ASPG: variants seen among roughly 807,000 people sequenced by gnomAD.
ASPG encodes asparaginase, also known as 60 kDa lysophospholipase.
In ASPG, 53 loss-of-function variants were observed where a neutral mutation model predicts 63.2. That is an observed-to-expected ratio of 0.84 (90% CI 0.67 to 1.05). The LOEUF (loss-of-function observed/expected upper bound fraction) is 1.05, where lower values mean the gene tolerates loss of function less well. Among genes scored for constraint, ASPG ranks in the 50% least tolerant of loss-of-function variants. The pLI, the probability that ASPG is intolerant of heterozygous loss-of-function variation, is 0.00. For missense variants in ASPG, 741 were observed against 794.4 expected (o/e 0.93, Z 0.81); for synonymous variants, 370 against 355.0 (o/e 1.04, Z -0.48).
rs1249611041 is a variant in ASPG at position 104,108,606 on chromosome 14, C to T, written c.1434-623C>T. ...GCACGGCCAGCGATTATGGCACAGT[C>T]TTTAGGTCACCCTGTACAATGGGCT... On this transcript the variant is annotated intron_variant, in intron 12 of 15. Transcript: ENST00000551177. 22 of 985,306 alleles carry T rather than the reference C, an allele frequency of 2.2e-5. No individual in the cohort carries two copies. The Admixed American group carries it at 1.4e-3, about 61-fold the overall frequency. The allele number at this position is 985,306 out of a possible 1,614,324, so 61.0% of individuals were successfully genotyped here.
rs373497645 is a variant in ASPG, at chr14:104,110,547, C to A, written c.1521-955C>A. On this transcript the variant is annotated intron_variant, in intron 13 of 15. Coordinates refer to ENST00000551177, the MANE Select transcript of ASPG (RefSeq NM_001080464.3). This position sits in a 1 kb window ranked among gnomAD's most constrained non-coding sequence, Gnocchi z 4.7. ...AGCTGCTGGCTGGACTTGAGCCCCT[C>A]GGCTAGGCCTTCCTAGGGGCCGGTG... 1.0e-6 allele frequency: 1 copy of A among 985,202 alleles called. No homozygotes were observed. The highest frequency in any genetic ancestry group is 4.7e-5 in the South Asian group (1 of 21,284). 61.0% of individuals were successfully genotyped at this position (985,202 alleles called of 1,614,324 possible).
In ASPG at chr14:104,091,388, G is replaced by C. The variant is rs184972567; in HGVS notation, c.83-1245G>C. ...GCAGACGGGCAGACAAACATGTGCG[G>C]GCTCCGCCTCCCCCGTCTGCTGGCT... On this transcript the variant is annotated intron_variant, in intron 1 of 15. Coordinates refer to ENST00000551177, the MANE Select transcript of ASPG (RefSeq NM_001080464.3). The surrounding 1 kb of genome is among the most constrained non-coding windows in gnomAD (Gnocchi z 6.4). Among the ~76,000 whole-genome samples, 2,026 of 152,242 alleles carry C rather than the reference G, an allele frequency of 0.013. 12 individuals carry two copies. Among genetic ancestry groups the C allele is most frequent in the Middle Eastern group, 0.017 (5 of 294 alleles).
chr14:104,115,564 A>C lies in ASPG; in HGVS notation c.*3020A>C, dbSNP rs1330972935. 1.3e-5 allele frequency: 2 copies of C among 152,142 alleles called. No homozygotes were observed. The highest frequency in any genetic ancestry group is 4.8e-5 in the African/African-American group (2 of 41,426). 9.4% of individuals were successfully genotyped at this position (152,142 alleles called of 1,614,324 possible). On this transcript the variant is annotated 3_prime_UTR_variant, in exon 16 of 16. Coordinates refer to ENST00000551177, the MANE Select transcript of ASPG (RefSeq NM_001080464.3). ...GCGAAACTCTGTCTCTTAAAAAATA[A>C]ATAAAAACATTAGCCAGGTGTGGTG...
intron 10 of ASPG, 82 bp from the exon 11 acceptor site, chr14:104,106,717 G>A (rs1444314331): frequency 2.1e-5 from 26 of 1,251,140 alleles, no homozygotes; most frequent in Middle Eastern, 4.0e-4. Context: ...GGCTGGCAGG[G>A]GTCATACAGC....
intron 3 of ASPG, among the ~76,000 whole-genome samples, chr14:104,094,649 C>T (rs1440772116): frequency 6.6e-6 from 1 of 152,192 alleles, no homozygotes; most frequent in Admixed American, 6.5e-5. Flanking sequence ...CAGGCAGCAC[C>T]ACCCAGGACA....
At chr14:104,093,086 T>G in intron 2 of ASPG, 1 of 463,122 alleles carries the variant, frequency 2.2e-6, no homozygotes, top group Non-Finnish European at 3.9e-6. Context: ...GGTCCTTCCA[T>G]TTCTCAGCTC....
At chr14:104,102,248 G>T (rs1034297037) in intron 6 of ASPG, among the ~76,000 whole-genome samples, 13 of 152,078 alleles carry the variant, frequency 8.5e-5, no homozygotes, top group African/African-American at 1.2e-4. Context: ...TGGTGGGGGT[G>T]GAAGACTCAC....
Position 104,104,412 on chromosome 14 carries a change from G to C in ASPG, c.862G>C (p.Glu288Gln), listed in dbSNP as rs762424237. The change falls in exon 8 of 16, where the codon GAG (glutamate) becomes CAG (glutamine). Residue 288 changes from glutamate (E) to glutamine (Q), a missense_variant. Coordinates refer to ENST00000551177, the MANE Select transcript of ASPG (RefSeq NM_001080464.3). ...DLLQELRVATERGLVIVNCTH... is the reference protein window; with the variant it reads ...DLLQELRVATQRGLVIVNCTH... Reference sequence around the variant, plus strand: ...GCTGCAGGAGCTGCGGGTGGCCACCGAGCGCGGCCTGGTCATCGTCAACTG... The same window carrying C: ...GCTGCAGGAGCTGCGGGTGGCCACCCAGCGCGGCCTGGTCATCGTCAACTG... 17 of 1,612,490 alleles carry C rather than the reference G, an allele frequency of 1.1e-5. No homozygotes were observed. The highest frequency in any genetic ancestry group is 1.4e-5 in the Non-Finnish European group (16 of 1,179,810).
rs1199269350 is a variant in ASPG at position 104,098,935 on chromosome 14, C to T, written c.596C>T (p.Ser199Phe). ...GCTCGGAGGTTCGCAGCTTTCTGCT[C>T]CCCGAACCTGCTGCCTCTGGCCACA... ...VDARRFAAFC[S>F]PNLLPLATVG... Residue 199 changes from serine (S) to phenylalanine (F), a missense_variant, in exon 6 of 16, where the codon TCC (serine) becomes TTC (phenylalanine). Transcript: ENST00000551177. 1.2e-6 allele frequency: 2 copies of T among 1,605,462 alleles called. No homozygotes were observed. The highest frequency in any genetic ancestry group is 2.2e-5 in the East Asian group (1 of 44,578).
At chr14:104,101,227 C>A (rs1161338686) in intron 6 of ASPG, among the ~76,000 whole-genome samples, 1 of 152,188 alleles carries the variant, frequency 6.6e-6, no homozygotes, top group Non-Finnish European at 1.5e-5. Context: ...AAACCTCAGG[C>A]CTTGCCCAGG....
At position 104,094,820 on chromosome 14, in the gene ASPG, T is replaced by G. The variant is rs748335382; in HGVS notation, c.304-711T>G. 6.0e-4 allele frequency among the ~76,000 whole-genome samples: 91 copies of G among 152,262 alleles called. 1 individual carries two copies. The highest frequency in any genetic ancestry group is 4.4e-4 in the Non-Finnish European group (30 of 68,008). ...GCCCAGCCTGCCGTCTTGCCGCGAG[T>G]GGCCAGCAGAGGGCGCCCTTCCCCT... On this transcript the variant is annotated intron_variant, in intron 3 of 15. Coordinates refer to ENST00000551177, the MANE Select transcript of ASPG (RefSeq NM_001080464.3).
In ASPG at chr14:104,111,483, C is replaced by T. The variant is rs2037380182; in HGVS notation, c.1521-19C>T. 6.5e-7 allele frequency: 1 copy of T among 1,545,582 alleles called. No individual in the cohort carries two copies. Among genetic ancestry groups the T allele is most frequent in the Admixed American group, 2.0e-5 (1 of 50,860 alleles). ...TGCCCAGCAGGCCCCAACAACTCCT[C>T]CTCTGCCCCCACCCCCAGGCTGGCA... On this transcript the variant is annotated intron_variant, in intron 13 of 15. Transcript: ENST00000551177.
chr14:104,087,750 G>A (rs1328229430), intron 1 of ASPG, among the ~76,000 whole-genome samples: 3 of 152,232 alleles, frequency 2.0e-5, no homozygotes, highest in South Asian at 4.1e-4. Context: ...AGCTGCAGGG[G>A]CAGGTGGACT....
At position 104,109,930 on chromosome 14, in the gene ASPG, C is replaced by T. The variant is rs2037315859; in HGVS notation, c.1520+615C>T. 1.0e-6 allele frequency: 1 copy of T among 983,950 alleles called. No homozygotes were observed. The highest frequency in any genetic ancestry group is 1.7e-5 in the African/African-American group (1 of 57,224). The allele number at this position is 983,950 out of a possible 1,614,324, so 61.0% of individuals were successfully genotyped here. On this transcript the variant is annotated intron_variant, in intron 13 of 15. Coordinates refer to ENST00000551177, the MANE Select transcript of ASPG (RefSeq NM_001080464.3). This position sits in a 1 kb window ranked among gnomAD's most constrained non-coding sequence, Gnocchi z 4.8. ...TGACATCATGTTGTTGTTGGGGAGA[C>T]TGAGGCGCAGGGAGGCCTTCGGCGA...
intron 1 of ASPG, among the ~76,000 whole-genome samples, chr14:104,089,840 C>G (rs545828846): frequency 2.1e-5 from 3 of 144,766 alleles, no homozygotes; most frequent in Non-Finnish European, 3.0e-5. Context: ...CCCGGCTACT[C>G]GGGAGGCTAA....
chr14:104,100,346 G>A (rs1383941922), intron 6 of ASPG, among the ~76,000 whole-genome samples: 3 of 152,132 alleles, frequency 2.0e-5, no homozygotes, highest in Non-Finnish European at 4.4e-5. Context: ...TGGAGGCAGC[G>A]TCTTTGGATC....
chr14:104,096,323 A>T (rs540884146), intron 4 of ASPG, among the ~76,000 whole-genome samples: 1 of 152,266 alleles, frequency 6.6e-6, no homozygotes, highest in Non-Finnish European at 1.5e-5. Flanking sequence ...AAGGTCTTGT[A>T]TGGGAAACCG....
intron 4 of ASPG, among the ~76,000 whole-genome samples, chr14:104,096,096 C>T (rs1313689482): frequency 2.0e-5 from 3 of 152,320 alleles, no homozygotes; most frequent in East Asian, 1.9e-4. Context: ...TGGGTCTAGG[C>T]GATGCCATCC....
chr14:104,101,323 C>A (rs531449927), intron 6 of ASPG, among the ~76,000 whole-genome samples: 1 of 152,220 alleles, frequency 6.6e-6, no homozygotes, highest in Non-Finnish European at 1.5e-5. Flanking sequence ...GTAGCAATGC[C>A]GGCCTGGGCC....
Sources: gnomAD v4.1 joint callset for allele counts (sites outside exome capture counted in the v4.1 genomes callset) on GRCh38, gnomAD v4.1.1 for gene constraint, Gnocchi (gnomAD v3.1) non-coding constraint, MANE v1.5 for transcripts, NCBI Gene and HGNC (gene_info 2026-07-23, HGNC 2026-07-21) for gene names.